The following PCSK5 variants were observed in gnomAD, a reference collection of about 807,000 sequenced individuals.
PCSK5 encodes prohormone convertase 5.
In PCSK5, 129 loss-of-function variants were observed where a neutral mutation model predicts 233.2. That is an observed-to-expected ratio of 0.55 (90% CI 0.48 to 0.64). The LOEUF is 0.64. Ranked by LOEUF, PCSK5 falls within the 30% of genes least tolerant of loss-of-function variation. PCSK5 has a pLI of 0.00. For missense variants in PCSK5, 2,076 were observed against 2,430.1 expected (o/e 0.85, Z 3.06); for synonymous variants, 825 against 879.2 (o/e 0.94, Z 1.09).
intron 9 of PCSK5, among the ~76,000 whole-genome samples, chr9:76,123,032 T>A (rs1386221135): frequency 6.6e-6 from 1 of 151,888 alleles, no homozygotes; most frequent in Admixed American, 6.6e-5. Context: ...TTTGTAGAGA[T>A]GGGGTTTCAT....
At chr9:76,194,834 T>A (rs1431291132) in intron 20 of PCSK5, 1 of 439,888 alleles carries the variant, frequency 2.3e-6, no homozygotes, top group Non-Finnish European at 4.7e-6. Context: ...ACCAGCCATC[T>A]TGCAGGCTTC....
chr9:76,061,007 A>G (rs568549693), intron 5 of PCSK5, among the ~76,000 whole-genome samples: 1 of 152,334 alleles, frequency 6.6e-6, no homozygotes, highest in East Asian at 1.9e-4. Context: ...AAATGTGTAT[A>G]CAAATTAAAT....
At chr9:76,076,192 T>A (rs113847369) in intron 7 of PCSK5, among the ~76,000 whole-genome samples, 83 of 152,124 alleles carry the variant, frequency 5.5e-4, no homozygotes, top group African/African-American at 2.0e-3. Flanking sequence ...TTTAGGTGTA[T>A]TTCCAGAACA....
intron 5 of PCSK5, among the ~76,000 whole-genome samples, chr9:76,064,732 G>A (rs1489083287): frequency 1.3e-5 from 2 of 150,732 alleles, no homozygotes; most frequent in South Asian, 2.1e-4. Flanking sequence ...CCTCCCAGAC[G>A]GGGTCTCGGC....
intron 24 of PCSK5, among the ~76,000 whole-genome samples, chr9:76,285,239 A>T (rs1415170793): frequency 4.6e-5 from 7 of 152,210 alleles, no homozygotes; most frequent in Non-Finnish European, 7.3e-5. Flanking sequence ...CATAAGATAT[A>T]GATGAGTAGA....
chr9:76,241,340 G>C (rs1199503281), intron 24 of PCSK5, among the ~76,000 whole-genome samples: 2 of 152,212 alleles, frequency 1.3e-5, no homozygotes, highest in Admixed American at 1.3e-4. Flanking sequence ...TATTCGGGAG[G>C]CTGAGGCAGG....
At chr9:76,009,965 C>T (rs150294926) in intron 3 of PCSK5, among the ~76,000 whole-genome samples, 169 of 152,222 alleles carry the variant, frequency 1.1e-3, no homozygotes, top group African/African-American at 4.0e-3. Context: ...GATGCATGTG[C>T]GCTGCACCAG....
At position 76,338,303 on chromosome 9, in the gene PCSK5, C is replaced by G. The variant is rs1213922502; in HGVS notation, c.4822C>G (p.Pro1608Ala). 1 of 1,612,372 alleles carries G rather than the reference C, an allele frequency of 6.2e-7. No individual in the cohort carries two copies. The highest frequency in any genetic ancestry group is 8.5e-7 in the Non-Finnish European group (1 of 1,179,632). The change falls in exon 35 of 38, where the codon CCC becomes GCC. Residue 1608 changes from proline to alanine, a missense_variant. Physicochemically the swap from Pro to Ala is conservative, Grantham distance 27. Around this residue, in one of 6 missense-constraint regions of PCSK5, gnomAD observed 1,510 missense variants for 1,538.1 expected, o/e 0.98. Transcript: ENST00000674117. ...RSCKGCQGPR[P>A]TDCLSCDRFF... Reference sequence around the variant, plus strand: ...CTGCAAGGGGTGCCAGGGCCCACGGCCCACAGACTGCCTGTCTTGCGATAG... The same window carrying G: ...CTGCAAGGGGTGCCAGGGCCCACGGGCCACAGACTGCCTGTCTTGCGATAG...
rs753117053 is a variant in PCSK5, at chr9:76,358,868, C to T, written c.5610C>T (p.Asp1870=). The T allele has an allele frequency of 1.1e-5, 17 of 1,612,774 alleles. No homozygotes were observed. Among genetic ancestry groups the T allele is most frequent in the Admixed American group, 3.3e-5 (2 of 60,010 alleles). The stretch of plus-strand genomic sequence containing the variant: ...AATTTAAATATGGGCTGCTGGATGA[C>T]GATGACATAGATGAGCTGGAATATG... ...YRKFKYGLLD[D]DDIDELEYDD... is the part of the protein sequence containing the mutation. The change falls in exon 38 of 38, where the codon GAC becomes GAT. Residue 1870 remains aspartate, a synonymous_variant. Coordinates refer to ENST00000674117, the MANE Select transcript of PCSK5 (RefSeq NM_001372043.1).
intron 13 of PCSK5, among the ~76,000 whole-genome samples, chr9:76,172,302 C>T (rs1000251958): frequency 5.9e-5 from 9 of 151,740 alleles, no homozygotes; most frequent in Non-Finnish European, 1.0e-4. Context: ...ACAGCTATTT[C>T]ATAATAACAG....
chr9:76,089,153 C>T (rs564338241), intron 7 of PCSK5, among the ~76,000 whole-genome samples: 2 of 152,252 alleles, frequency 1.3e-5, no homozygotes, highest in African/African-American at 4.8e-5. Flanking sequence ...CTGGATCCCC[C>T]TTTATCCAGG....
intron 6 of PCSK5, among the ~76,000 whole-genome samples, chr9:76,069,763 C>T (rs1348049370): frequency 6.6e-6 from 1 of 152,056 alleles, no homozygotes; most frequent in Non-Finnish European, 1.5e-5. Flanking sequence ...TTATTTGGGG[C>T]AATTACTGTG....
At chr9:76,351,058 T>C in intron 36 of PCSK5, 130 bp downstream of exon 36, 1 of 582,740 alleles carries the variant, frequency 1.7e-6, no homozygotes, top group East Asian at 3.0e-5. Flanking sequence ...GTATGTTTAG[T>C]ATTTTAAAAC....
At chr9:76,158,330 A>G (rs1822696616) in intron 11 of PCSK5, among the ~76,000 whole-genome samples, 1 of 152,208 alleles carries the variant, frequency 6.6e-6, no homozygotes, top group Non-Finnish European at 1.5e-5. Context: ...GACATCAGCA[A>G]CAACAACAAA....
chr9:76,101,346 C>T (rs1450361976), intron 8 of PCSK5, among the ~76,000 whole-genome samples: 1 of 152,118 alleles, frequency 6.6e-6, no homozygotes, highest in Non-Finnish European at 1.5e-5. Context: ...GAAAGTGAAA[C>T]GTTATTTGAC....
At chr9:75,973,845 CT>C in intron 2 of PCSK5, among the ~76,000 whole-genome samples, 2 of 152,256 alleles carry the variant, frequency 1.3e-5, no homozygotes, top group Middle Eastern at 3.4e-3. Context: ...GGGTGGAACC[CT>C]TTTGGGGGCA....
chr9:75,950,408 C>T (rs1193173593), intron 2 of PCSK5, among the ~76,000 whole-genome samples: 4 of 152,156 alleles, frequency 2.6e-5, no homozygotes, highest in Admixed American at 6.5e-5. Flanking sequence ...TTTTATAATC[C>T]TTAATTTGTT....
chr9:75,950,158 AG>A (rs1824787141), intron 2 of PCSK5, among the ~76,000 whole-genome samples: 2 of 37,408 alleles, frequency 5.3e-5, no homozygotes, highest in South Asian at 1.8e-3. Context: ...GGGGGCGGGG[AG>A]GGGGGAACTG....
intron 36 of PCSK5, 70 bp downstream of exon 36, chr9:76,350,998 T>G (rs1228817949): frequency 7.8e-6 from 6 of 774,058 alleles, no homozygotes; most frequent in East Asian, 2.5e-5. Context: ...TTCCTGCATG[T>G]CATTCTGGGC....
Sources: allele counts gnomAD v4.1 joint callset (sites outside exome capture counted in the v4.1 genomes callset), GRCh38; gene constraint gnomAD v4.1.1; regional missense constraint gnomAD v4.1.1; transcripts MANE v1.5; gene names NCBI Gene and HGNC (gene_info 2026-07-23, HGNC 2026-07-21).